The following LCP2 variants were observed in gnomAD, a reference collection of about 807,000 sequenced individuals.
LCP2 encodes lymphocyte cytosolic protein 2.
A neutral mutation model predicts 74.5 loss-of-function variants in LCP2; 29 were observed. The observed-to-expected ratio is 0.39, with a 90% confidence interval of 0.29 to 0.53. The LOEUF is 0.53. Ranked by LOEUF, LCP2 falls within the 20% of genes least tolerant of loss-of-function variation. The pLI, the probability that LCP2 is intolerant of heterozygous loss-of-function variation, is 0.72. For missense variants in LCP2, 604 were observed against 634.6 expected, an observed-to-expected ratio of 0.95 and a Z score of 0.52; for synonymous variants, 228 against 229.5, an observed-to-expected ratio of 0.99 and a Z score of 0.06.
intron 2 of LCP2, among the ~76,000 whole-genome samples, chr5:170,289,611 CTTTCTTTT>C (rs1174458983): frequency 1.4e-5 from 2 of 143,716 alleles, no homozygotes; most frequent in African/African-American, 5.4e-5. Context: ...TTCTTTCTTT[CTTTCTTTT>C]TCTTTCTTTC....
chr5:170,272,597 CTTTTTTTTTT>C (rs61463939), intron 6 of LCP2, among the ~76,000 whole-genome samples: 117 of 40,346 alleles, frequency 2.9e-3, no homozygotes, highest in South Asian at 0.01. Context: ...CAAATATTTT[CTTTTTTTTTT>C]TTTTTTTTTT....
intron 10 of LCP2, among the ~76,000 whole-genome samples, chr5:170,265,463 A>G (rs866899324): frequency 6.6e-6 from 1 of 152,252 alleles, no homozygotes; most frequent in Admixed American, 6.5e-5. Context: ...ATAGAAAAAA[A>G]GAATATTTTA....
At chr5:170,282,676 T>C (rs1762124516) in intron 3 of LCP2, among the ~76,000 whole-genome samples, 1 of 152,226 alleles carries the variant, frequency 6.6e-6, no homozygotes, top group African/African-American at 2.4e-5. Context: ...GTGCATATTG[T>C]TATTTTCCCA....
At chr5:170,296,946 G>C (rs1762399455) in intron 1 of LCP2, among the ~76,000 whole-genome samples, 2 of 152,212 alleles carry the variant, frequency 1.3e-5, no homozygotes, top group African/African-American at 2.4e-5. Flanking sequence ...GTCGTGAGCA[G>C]TGAAAGCCCA....
chr5:170,276,104 T>G (rs1349219753), intron 3 of LCP2, among the ~76,000 whole-genome samples: 1 of 152,202 alleles, frequency 6.6e-6, no homozygotes, highest in Non-Finnish European at 1.5e-5. Context: ...CTGATCTGTG[T>G]CTGGCTGAGC....
At chr5:170,252,608 C>A in intron 18 of LCP2, 97 bp from the exon 19 acceptor site, 1 of 638,124 alleles carries the variant, frequency 1.6e-6, no homozygotes, top group Non-Finnish European at 2.8e-6. Context: ...AAATCAACAC[C>A]TCAATTCCAG....
intron 13 of LCP2, 97 bp from the exon 14 acceptor site, chr5:170,261,234 C>A (rs572778817): frequency 3.4e-6 from 3 of 894,096 alleles, no homozygotes; most frequent in African/African-American, 3.3e-5. Flanking sequence ...AATGAGAAAT[C>A]GAACCCACTG....
At chr5:170,273,446 A>C (rs1761931688) in intron 6 of LCP2, among the ~76,000 whole-genome samples, 12 of 152,168 alleles carry the variant, frequency 7.9e-5, no homozygotes, top group Admixed American at 7.9e-4. Flanking sequence ...CTTTTACCAG[A>C]ATCCCAATAG....
chr5:170,275,297 C>A, intron 5 of LCP2, 23 bp downstream of exon 5: 2 of 1,613,916 alleles, frequency 1.2e-6, no homozygotes, highest in Non-Finnish European at 1.7e-6. Flanking sequence ...AAAGCAATCA[C>A]CTCTGAGCCC....
chr5:170,271,199 TGGAATAGAAGGTACC>T (rs1162716987), intron 6 of LCP2, among the ~76,000 whole-genome samples: 1 of 152,170 alleles, frequency 6.6e-6, no homozygotes, highest in Non-Finnish European at 1.5e-5. Context: ...GGAAGGATGC[TGGAATAGAAGGTACC>T]GGAATAGGCT....
chr5:170,283,403 C>A (rs1266453267), intron 3 of LCP2, among the ~76,000 whole-genome samples: 1 of 152,158 alleles, frequency 6.6e-6, no homozygotes, highest in African/African-American at 2.4e-5. Context: ...AAGGATCTTC[C>A]AAGCTGAAAG....
rs1398581135 is a variant in LCP2 at position 170,256,879 on chromosome 5, G to C, written c.1101-304C>G. The stretch of plus-strand genomic sequence containing the variant: ...ATTGGCTGCAACTTGAGCTCTTTGA[G>C]TTGGGAGAATACAGAAGTCCTCTTC... On this transcript the variant is annotated intron_variant, in intron 16 of 20. Transcript: ENST00000046794. The surrounding 1 kb of genome is among the most constrained non-coding windows in gnomAD (Gnocchi z 4.5). Among the ~76,000 whole-genome samples the C allele has an allele frequency of 6.6e-6, 1 of 152,218 alleles. No homozygotes were observed. Among genetic ancestry groups the C allele is most frequent in the Non-Finnish European group, 1.5e-5 (1 of 68,036 alleles).
intron 3 of LCP2, among the ~76,000 whole-genome samples, chr5:170,276,278 G>A (rs1762006771): frequency 6.6e-6 from 1 of 152,126 alleles, no homozygotes; most frequent in Admixed American, 6.5e-5. Context: ...ACCTGGCAGT[G>A]CTGTCTTGTT....
chr5:170,264,821 A>C (rs5029541), intron 10 of LCP2, among the ~76,000 whole-genome samples: 2 of 38,082 alleles, frequency 5.3e-5, no homozygotes, highest in African/African-American at 7.8e-5. Flanking sequence ...AAATAAAAAA[A>C]TAAAAATAAA....
chr5:170,267,882 T>C (rs1761797621), intron 8 of LCP2, among the ~76,000 whole-genome samples: 1 of 152,176 alleles, frequency 6.6e-6, no homozygotes, highest in Non-Finnish European at 1.5e-5. Context: ...AGGGAACACA[T>C]TCCTAACTAT....
chr5:170,266,434 C>A (rs1039636252), intron 10 of LCP2, among the ~76,000 whole-genome samples: 9 of 152,198 alleles, frequency 5.9e-5, no homozygotes, highest in Admixed American at 5.2e-4. Flanking sequence ...CTCCCCCAAC[C>A]CTTTTGTCTC....
intron 17 of LCP2, among the ~76,000 whole-genome samples, chr5:170,255,984 G>C (rs754874459): frequency 6.6e-6 from 1 of 152,212 alleles, no homozygotes; most frequent in Non-Finnish European, 1.5e-5. Flanking sequence ...TTTGTATTTT[G>C]AACATGCTCC....
intron 2 of LCP2, among the ~76,000 whole-genome samples, chr5:170,289,679 C>CTG (rs1762251949): frequency 7.4e-6 from 1 of 135,584 alleles, no homozygotes; most frequent in Admixed American, 7.7e-5. Flanking sequence ...CTTTCTCTCT[C>CTG]TCTCTCTTTC....
At chr5:170,250,673 C>T (rs563080876) in intron 20 of LCP2, 57 bp downstream of exon 20, 42 of 1,339,840 alleles carry the variant, frequency 3.1e-5, no homozygotes, top group Non-Finnish European at 4.1e-5. Context: ...TCCATGAAGG[C>T]ATGCAGAGTG....
Sources: allele counts gnomAD v4.1 joint callset (sites outside exome capture counted in the v4.1 genomes callset), GRCh38; gene constraint gnomAD v4.1.1; non-coding constraint Gnocchi (gnomAD v3.1); transcripts MANE v1.5; gene names NCBI Gene and HGNC (gene_info 2026-07-23, HGNC 2026-07-21).